LHFPL3: variants seen among roughly 807,000 people sequenced by gnomAD.
LHFPL3 encodes the protein LHFPL tetraspan subfamily member 3 protein.
LHFPL3 carries 5 observed loss-of-function variants against 19.3 expected under a neutral mutation model. The observed-to-expected ratio is 0.26, with a 90% CI of 0.14 to 0.54. The LOEUF (loss-of-function observed/expected upper bound fraction) is 0.54, where lower values mean the gene tolerates loss of function less well. Among genes scored for constraint, LHFPL3 ranks in the 20% least tolerant of loss-of-function variants. LHFPL3 has a pLI of 0.94. For missense variants in LHFPL3, 249 were observed against 307.4 expected (o/e 0.81, Z 1.42); for synonymous variants, 133 against 126.2 (o/e 1.05, Z -0.36).
intron 1 of LHFPL3, among the ~76,000 whole-genome samples, chr7:104,654,903 T>C (rs555310155): frequency 1.4e-4 from 21 of 152,248 alleles, no homozygotes; most frequent in Admixed American, 9.2e-4. Context: ...TACACAGAGG[T>C]ACATGTGTTC....
intron 1 of LHFPL3, among the ~76,000 whole-genome samples, chr7:104,734,906 G>T (rs970941035): frequency 2.6e-5 from 4 of 152,058 alleles, no homozygotes; most frequent in Admixed American, 2.0e-4. Context: ...GGTGTGGATG[G>T]CCTTTCTGTT....
chr7:104,464,690 A>G (rs1392747988), intron 1 of LHFPL3, among the ~76,000 whole-genome samples: 2 of 152,184 alleles, frequency 1.3e-5, no homozygotes, highest in Non-Finnish European at 2.9e-5. Flanking sequence ...CCTCTTAGCC[A>G]TGGCTGGGAT....
Position 104,824,755 on chromosome 7 carries a change from TATATATA to T in LHFPL3, c.683-81425_683-81419del, listed in dbSNP as rs1447886225. 4.1e-5 allele frequency among the ~76,000 whole-genome samples: 3 copies of T among 72,560 alleles called. No individual in the cohort carries two copies. The Admixed American group carries it at 7.7e-4, about 19-fold the overall frequency. 47.6% of individuals were successfully genotyped at this position (72,560 alleles called of 152,430 possible). ...TGAAACAGAAGTCTTACTCATATAT[TATATATA>T]ATATATTATATATTATATATTTCAA... On this transcript the variant is annotated intron_variant, in intron 2 of 2. Transcript: ENST00000424859.
intron 1 of LHFPL3, among the ~76,000 whole-genome samples, chr7:104,337,994 T>C (rs1459666242): frequency 1.3e-5 from 2 of 152,142 alleles, no homozygotes; most frequent in African/African-American, 4.8e-5. Flanking sequence ...TGATATCAGT[T>C]CGTAGATAAT....
intron 1 of LHFPL3, among the ~76,000 whole-genome samples, chr7:104,412,417 A>G (rs530053608): frequency 6.6e-6 from 1 of 152,256 alleles, no homozygotes; most frequent in African/African-American, 2.4e-5. Context: ...AGTGGCACAG[A>G]GAAGGAGCAA....
At chr7:104,560,931 C>T (rs1320156415) in intron 1 of LHFPL3, among the ~76,000 whole-genome samples, 9 of 149,616 alleles carry the variant, frequency 6.0e-5, no homozygotes, top group East Asian at 1.9e-4. Flanking sequence ...GCCTTCATTT[C>T]GTTATGTACC....
chr7:104,561,660 T>C (rs1790006612), intron 1 of LHFPL3, among the ~76,000 whole-genome samples: 1 of 152,182 alleles, frequency 6.6e-6, no homozygotes, highest in African/African-American at 2.4e-5. Flanking sequence ...TGTCTTTTAA[T>C]TGGAGCATTT....
At chr7:104,526,175 T>C (rs1366334967) in intron 1 of LHFPL3, among the ~76,000 whole-genome samples, 1 of 152,190 alleles carries the variant, frequency 6.6e-6, no homozygotes, top group Non-Finnish European at 1.5e-5. Flanking sequence ...TCAAGTGTTT[T>C]TGAAAATTCA....
chr7:104,503,984 A>G (rs1365087279), intron 1 of LHFPL3, among the ~76,000 whole-genome samples: 1 of 152,180 alleles, frequency 6.6e-6, no homozygotes, highest in African/African-American at 2.4e-5. Flanking sequence ...TTGATATGGA[A>G]AATAACTGCT....
At chr7:104,658,999 G>A (rs139294118) in intron 1 of LHFPL3, among the ~76,000 whole-genome samples, 32 of 152,316 alleles carry the variant, frequency 2.1e-4, no homozygotes, top group Middle Eastern at 3.4e-3. Flanking sequence ...GGCATGTGAA[G>A]TAGAAATTTA....
At chr7:104,443,703 C>T (rs1792270914) in intron 1 of LHFPL3, among the ~76,000 whole-genome samples, 1 of 152,222 alleles carries the variant, frequency 6.6e-6, no homozygotes, top group South Asian at 2.1e-4. Flanking sequence ...AACAGTGCTT[C>T]CATTTCATAT....
At chr7:104,435,614 C>A (rs766396159) in intron 1 of LHFPL3, among the ~76,000 whole-genome samples, 10 of 150,066 alleles carry the variant, frequency 6.7e-5, no homozygotes, top group Non-Finnish European at 1.0e-4. Context: ...CACACTGTTA[C>A]ACTTTGAAGC....
chr7:104,500,749 C>A (rs1793584584), intron 1 of LHFPL3, among the ~76,000 whole-genome samples: 1 of 152,216 alleles, frequency 6.6e-6, no homozygotes, highest in African/African-American at 2.4e-5. Context: ...GCCTAAAATT[C>A]TTGAGCAAAT....
chr7:104,613,938 T>C (rs1176975735), intron 1 of LHFPL3, among the ~76,000 whole-genome samples: 3 of 152,118 alleles, frequency 2.0e-5, no homozygotes, highest in African/African-American at 7.2e-5. Context: ...TGTTTGCCAA[T>C]TAGCACATAA....
intron 2 of LHFPL3, among the ~76,000 whole-genome samples, chr7:104,806,105 TTCTG>T (rs1562799071): frequency 6.6e-6 from 1 of 152,232 alleles, no homozygotes; most frequent in Non-Finnish European, 1.5e-5. Flanking sequence ...AAAGAAACAG[TTCTG>T]TCTGTCACAT....
At chr7:104,642,474 A>T (rs1379297483) in intron 1 of LHFPL3, among the ~76,000 whole-genome samples, 1 of 152,210 alleles carries the variant, frequency 6.6e-6, no homozygotes, top group East Asian at 1.9e-4. Context: ...TTCTGGAATA[A>T]ATATGGTAGA....
At chr7:104,580,126 C>A (rs1208650534) in intron 1 of LHFPL3, among the ~76,000 whole-genome samples, 1 of 152,190 alleles carries the variant, frequency 6.6e-6, no homozygotes, top group Non-Finnish European at 1.5e-5. Context: ...AAAATACTCA[C>A]TCATCTTTAG....
intron 1 of LHFPL3, among the ~76,000 whole-genome samples, chr7:104,532,432 G>A (rs1467205960): frequency 2.0e-5 from 3 of 151,146 alleles, no homozygotes; most frequent in Non-Finnish European, 4.4e-5. Context: ...AAGTGTTGGG[G>A]TTATAGGCAT....
At chr7:104,776,255 A>C (rs1794635233) in intron 2 of LHFPL3, among the ~76,000 whole-genome samples, 1 of 152,258 alleles carries the variant, frequency 6.6e-6, no homozygotes, top group Admixed American at 6.5e-5. Context: ...TGGAAATACA[A>C]CACTTTGGCC....
Sources: allele counts gnomAD v4.1 joint callset (sites outside exome capture counted in the v4.1 genomes callset), GRCh38; gene constraint gnomAD v4.1.1; transcripts MANE v1.5; gene names NCBI Gene and HGNC (gene_info 2026-07-23, HGNC 2026-07-21).